LGR5: variants seen among roughly 807,000 people sequenced by gnomAD.
LGR5 encodes leucine rich repeat containing G protein-coupled receptor 5.
A neutral mutation model predicts 76.7 loss-of-function variants in LGR5; 54 were observed. That is an observed-to-expected ratio of 0.70 (90% CI 0.57 to 0.88). The LOEUF is 0.88. Ranked by LOEUF, LGR5 falls within the 40% of genes least tolerant of loss-of-function variation. The pLI, the probability that LGR5 is intolerant of heterozygous loss-of-function variation, is 0.00. For synonymous variants in LGR5, 406 were observed against 421.9 expected (o/e 0.96, Z 0.46); for missense variants, 1,078 against 1,073.3 (o/e 1.00, Z -0.06).
At chr12:71,471,407 A>C (rs1873097007) in intron 1 of LGR5, among the ~76,000 whole-genome samples, 1 of 152,300 alleles carries the variant, frequency 6.6e-6, no homozygotes, top group Admixed American at 6.5e-5. Flanking sequence ...AGGCAAATCT[A>C]TTCTGACAGA....
chr12:71,572,869 A>T lies in LGR5; in HGVS notation c.1156A>T (p.Ile386Phe). 2 of 1,613,768 alleles carry T rather than the reference A, an allele frequency of 1.2e-6. No individual in the cohort carries two copies. The highest frequency in any genetic ancestry group is 2.2e-5 in the South Asian group (2 of 91,038). ...LQKIDLRHNE[I>F]YEIKVDTFQQ... ...TTTCAGTGACCTAAGACATAATGAA[A>T]TCTACGAAATTAAAGTTGACACTTT... The change falls in exon 13 of 18, where the codon ATC (isoleucine) becomes TTC (phenylalanine). Residue 386 changes from isoleucine to phenylalanine, a missense_variant. Physicochemically the swap from Ile to Phe is conservative, Grantham distance 21 (BLOSUM62 0). Coordinates refer to ENST00000266674, the MANE Select transcript of LGR5 (RefSeq NM_003667.4).
Position 71,580,437 on chromosome 12 carries a change from T to A in LGR5, c.1552+14T>A. On this transcript the variant is annotated intron_variant, in intron 16 of 17. Transcript: ENST00000266674. ...TTCAGGCTCAAGGTAGGACTTGCTA[T>A]GCCATGGTAATGAAATTGTGTTGTG... The A allele has an allele frequency of 1.9e-6, 3 of 1,608,082 alleles. No individual in the cohort carries two copies. The highest frequency in any genetic ancestry group is 2.5e-6 in the Non-Finnish European group (3 of 1,177,342).
rs777371604 is a variant in LGR5, at chr12:71,559,692, C to A, written c.785+38C>A. ...GACAATTTTAATGGGAGAACTTTAT[C>A]CTTTTGTGAATTTATTTAAAAATAC... is the stretch of plus-strand genomic sequence containing the variant. On this transcript the variant is annotated intron_variant, in intron 7 of 17. Transcript: ENST00000266674. 3.7e-6 allele frequency: 4 copies of A among 1,078,284 alleles called. No individual in the cohort carries two copies. The South Asian group carries it at 5.5e-5, about 15-fold the overall frequency. 66.8% of individuals were successfully genotyped at this position (1,078,284 alleles called of 1,614,324 possible). A position where few individuals can be genotyped will look rare whatever the true frequency, so the allele number is the denominator to read the frequency against.
chr12:71,440,065 C>T lies in LGR5; in HGVS notation c.-16C>T, dbSNP rs759268679. 3 of 1,599,028 alleles carry T rather than the reference C, an allele frequency of 1.9e-6. No homozygotes were observed. Among genetic ancestry groups the T allele is most frequent in the South Asian group, 2.2e-5 (2 of 90,958 alleles). On this transcript the variant is annotated 5_prime_UTR_variant, in exon 1 of 18. Transcript: ENST00000266674. The surrounding 1 kb of genome is among the most constrained non-coding windows in gnomAD (Gnocchi z 5.3). Reference sequence around the variant, plus strand: ...CTCCGCCCGCGTCCGGCTCGTGGCCCCCTACTTCGGGCACCATGGACACCT... The same window carrying T: ...CTCCGCCCGCGTCCGGCTCGTGGCCTCCTACTTCGGGCACCATGGACACCT...
chr12:71,583,009 A>G (rs1458103726), intron 17 of LGR5, among the ~76,000 whole-genome samples: 1 of 138,864 alleles, frequency 7.2e-6, no homozygotes, highest in Non-Finnish European at 1.6e-5. Context: ...GAGGGGAGGG[A>G]AGGGAAGGGA....
intron 15 of LGR5, among the ~76,000 whole-genome samples, chr12:71,579,291 T>C (rs931250339): frequency 6.6e-6 from 1 of 152,236 alleles, no homozygotes; most frequent in African/African-American, 2.4e-5. Flanking sequence ...ATGTACCTAA[T>C]AAAATGTACT....
intron 4 of LGR5, 70 bp from the exon 5 acceptor site, chr12:71,553,002 GT>G: frequency 7.0e-7 from 1 of 1,434,000 alleles, no homozygotes; most frequent in Non-Finnish European, 9.8e-7. Flanking sequence ...CATGGGGAGG[GT>G]TTTCCTGCAA....
Position 71,572,930 on chromosome 12 carries a change from C to T in LGR5, c.1208+9C>T. 3 of 1,604,912 alleles carry T rather than the reference C, an allele frequency of 1.9e-6. No individual in the cohort carries two copies. Among genetic ancestry groups the T allele is most frequent in the Non-Finnish European group, 2.6e-6 (3 of 1,171,660 alleles). ...CTTAGCCTCCGATCGCTGTGAGTATCACCTCCCAGTGCGTTCCCCAGCACA... is the reference window on the plus strand; with the variant it reads ...CTTAGCCTCCGATCGCTGTGAGTATTACCTCCCAGTGCGTTCCCCAGCACA... On this transcript the variant is annotated intron_variant, in intron 13 of 17. Transcript: ENST00000266674.
chr12:71,507,833 T>C (rs1874932878), intron 2 of LGR5, among the ~76,000 whole-genome samples: 1 of 152,060 alleles, frequency 6.6e-6, no homozygotes, highest in African/African-American at 2.4e-5. Context: ...TTCAGCTCAT[T>C]TTTGTGCTTT....
rs370969422 is a variant in LGR5 at position 71,504,609 on chromosome 12, C to T, written c.213-5C>T. 257 of 1,613,624 alleles carry T rather than the reference C, an allele frequency of 1.6e-4. No homozygotes were observed. Among genetic ancestry groups the T allele is most frequent in the Non-Finnish European group, 2.1e-4 (247 of 1,179,684 alleles). ...TCCTCACACGCTGTCTGTTTTCCCC[C>T]CCAGAGACCTCAGTATGAACAACAT... On this transcript the variant is annotated splice_region_variant and splice_polypyrimidine_tract_variant and intron_variant, in intron 1 of 17. Transcript: ENST00000266674.
At chr12:71,546,332 A>ATG (rs1555173461) in intron 4 of LGR5, among the ~76,000 whole-genome samples, 1 of 151,490 alleles carries the variant, frequency 6.6e-6, no homozygotes, top group African/African-American at 2.4e-5. Context: ...ATATATATAT[A>ATG]TATTAACTGT....
Position 71,553,115 on chromosome 12 carries a change from T to C in LGR5, c.471T>C (p.Cys157=). The C allele has an allele frequency of 6.2e-7, 1 of 1,613,988 alleles. No individual in the cohort carries two copies. Among genetic ancestry groups the C allele is most frequent in the Non-Finnish European group, 8.5e-7 (1 of 1,179,996 alleles). The change falls in exon 5 of 18, where the codon TGT becomes TGC. Residue 157 remains cysteine, a synonymous_variant. Transcript: ENST00000266674. The stretch of plus-strand genomic sequence containing the variant: ...ACATCAGCTATGTGCCCCCAAGCTG[T>C]TTCAGTGGCCTGCATTCCCTGAGGC... The part of the protein sequence containing the change: ...ANHISYVPPS[C]FSGLHSLRHL...
chr12:71,451,797 C>A (rs1369214540), intron 1 of LGR5, among the ~76,000 whole-genome samples: 1 of 152,154 alleles, frequency 6.6e-6, no homozygotes, highest in Non-Finnish European at 1.5e-5. Context: ...AGCCTTGCTG[C>A]TCCTAGAGAG....
chr12:71,552,359 G>A (rs1481345465), intron 4 of LGR5, among the ~76,000 whole-genome samples: 2 of 152,168 alleles, frequency 1.3e-5, no homozygotes, highest in Non-Finnish European at 2.9e-5. Flanking sequence ...GAGGTCAGGA[G>A]TTCGAGACCA....
At chr12:71,474,079 A>C (rs183092677) in intron 1 of LGR5, among the ~76,000 whole-genome samples, 206 of 152,240 alleles carry the variant, frequency 1.4e-3, no homozygotes, top group Non-Finnish European at 2.4e-3. Flanking sequence ...TATAATCCAG[A>C]TAAGCTTTCT....
Position 71,575,512 on chromosome 12 carries a change from C to T in LGR5, c.1209-2413C>T, listed in dbSNP as rs530449390. 2.0e-5 allele frequency among the ~76,000 whole-genome samples: 3 copies of T among 152,132 alleles called. No homozygotes were observed. The South Asian group carries it at 6.2e-4, about 32-fold the overall frequency. ...ACACTTGAGGTCAGGAGTTCGAGAT[C>T]AGTGTGGCCAACATGGTGAAACCCT... On this transcript the variant is annotated intron_variant, in intron 13 of 17. Transcript: ENST00000266674.
In LGR5 at chr12:71,566,690, C is replaced by G. The variant is rs1338510345; in HGVS notation, c.988C>G (p.Leu330Val). ...TCCTGATTTAACTGGAACTGCAAAC[C>G]TGGAGAGTCTGTAAGTACTGAGTAG... ...EFPDLTGTAN[L>V]ESLTLTGAQI... is the part of the protein sequence containing the mutation. The change falls in exon 10 of 18, where the codon CTG (leucine) becomes GTG (valine). Residue 330 changes from leucine to valine, a missense_variant. By Grantham distance (32) the Leu-to-Val change is conservative. Transcript: ENST00000266674. 1 of 1,612,704 alleles carries G rather than the reference C, an allele frequency of 6.2e-7. No homozygotes were observed.
Position 71,584,450 on chromosome 12 carries a change from T to C in LGR5, c.2440T>C (p.Cys814Arg). The C allele has an allele frequency of 6.2e-7, 1 of 1,614,206 alleles. No homozygotes were observed. The change falls in exon 18 of 18, where the codon TGT (cysteine) becomes CGT (arginine). Residue 814 changes from cysteine to arginine, a missense_variant. Coordinates refer to ENST00000266674, the MANE Select transcript of LGR5 (RefSeq NM_003667.4). ...ILLVVVPLPA[C>R]LNPLLYILFN... ...TCTGGTGGTAGTCCCACTTCCTGCA[T>C]GTCTCAATCCCCTTCTCTACATCTT...
At chr12:71,525,911 T>C (rs1314677125) in intron 3 of LGR5, among the ~76,000 whole-genome samples, 1 of 151,518 alleles carries the variant, frequency 6.6e-6, no homozygotes, top group African/African-American at 2.4e-5. Context: ...CTATCATATT[T>C]TTATATTTTA....
Sources: gnomAD v4.1 joint callset for allele counts (sites outside exome capture counted in the v4.1 genomes callset) on GRCh38, gnomAD v4.1.1 for gene constraint, Gnocchi (gnomAD v3.1) non-coding constraint, MANE v1.5 for transcripts, NCBI Gene and HGNC (gene_info 2026-07-23, HGNC 2026-07-21) for gene names.